Variants in CC2D1A observed in about 807,000 individuals in gnomAD.
CC2D1A encodes the protein coiled-coil and C2 domain containing 1A.
CC2D1A carries 68 observed loss-of-function variants against 123.8 expected under a neutral mutation model. The ratio of observed to expected loss-of-function variants is 0.55; its 90% confidence interval spans 0.45 to 0.67. The LOEUF is 0.67. CC2D1A is among the 30% of genes least tolerant of loss of function. CC2D1A has a pLI of 0.00. For missense variants in CC2D1A, 1,185 were observed against 1,290.3 expected, an observed-to-expected ratio of 0.92 and a Z score of 1.25; for synonymous variants, 477 against 528.0, an observed-to-expected ratio of 0.90 and a Z score of 1.32.
intron 24 of CC2D1A, 38 bp from the exon 25 acceptor site, chr19:13,929,341 G>GA: frequency 6.2e-7 from 1 of 1,604,416 alleles, no homozygotes; most frequent in Non-Finnish European, 8.5e-7. Context: ...TGGGCTGGGG[G>GA]AATCTCTGCA....
chr19:13,920,720 C>T (rs763178156), intron 13 of CC2D1A, 30 bp from the exon 14 acceptor site: 1 of 1,612,068 alleles, frequency 6.2e-7, no homozygotes, highest in Admixed American at 1.7e-5. Context: ...GTGGCCTGGG[C>T]AGCACCCATA....
At position 13,919,837 on chromosome 19, in the gene CC2D1A, C is replaced by T. The variant is rs759102158; in HGVS notation, c.1242C>T (p.Gly414=). The T allele has an allele frequency of 1.9e-6, 3 of 1,608,358 alleles. No individual in the cohort carries two copies. The highest frequency in any genetic ancestry group is 2.5e-6 in the Non-Finnish European group (3 of 1,176,710). The part of the protein sequence containing the change: ...PVPPGFPPIQ[G]LEATKPTQQS... ...ACCCAGGCTTCCCCCCAATCCAGGG[C>T]CTGGAGGCCACCAAGCCCACCCAGC... The change falls in exon 12 of 29, where the codon GGC becomes GGT. Residue 414 remains glycine (G), a synonymous_variant. Coordinates refer to ENST00000318003, the MANE Select transcript of CC2D1A (RefSeq NM_017721.5).
In CC2D1A at chr19:13,927,044, C is replaced by T; in HGVS notation, c.2192C>T (p.Thr731Ile). ...SHRGFRRAIQ[T>I]KGIKFEVVHK... ...CGTGGCTTCCGAAGGGCCATCCAGA[C>T]CAAGGGCATCAAGTTCGAAGTGGTT... The change falls in exon 21 of 29, where the codon ACC becomes ATC. Residue 731 changes from threonine to isoleucine, a missense_variant. Thr to Ile is a moderately conservative substitution (Grantham distance 89). Transcript: ENST00000318003. 5 of 1,614,102 alleles carry T rather than the reference C, an allele frequency of 3.1e-6. No homozygotes were observed. Among genetic ancestry groups the T allele is most frequent in the Non-Finnish European group, 4.2e-6 (5 of 1,180,020 alleles).
At chr19:13,927,799 A>ACC in intron 22 of CC2D1A, 94 bp from the exon 23 acceptor site, 2 of 1,367,718 alleles carry the variant, frequency 1.5e-6, no homozygotes, top group Non-Finnish European at 2.0e-6. Flanking sequence ...AAAAAAACCA[A>ACC]AAAAAAAAAC....
rs1163818031 is a variant in CC2D1A, at chr19:13,923,471, C to T, written c.1764+16C>T. 6.2e-7 allele frequency: 1 copy of T among 1,614,124 alleles called. No homozygotes were observed. The highest frequency in any genetic ancestry group is 1.7e-5 in the Admixed American group (1 of 60,002). On this transcript the variant is annotated intron_variant, in intron 15 of 28. Coordinates refer to ENST00000318003, the MANE Select transcript of CC2D1A (RefSeq NM_017721.5). This position sits in a 1 kb window ranked among gnomAD's most constrained non-coding sequence, Gnocchi z 5.3. ...GCAGCACGAGGTGAGGGGGAGGCCC[C>T]CAGCCCATCCCCCAGGAGCGTGACC...
intron 17 of CC2D1A, among the ~76,000 whole-genome samples, chr19:13,924,246 C>T (rs1389913700): frequency 6.6e-6 from 1 of 152,120 alleles, no homozygotes; most frequent in Non-Finnish European, 1.5e-5. Context: ...TCTCTGCTCA[C>T]TGCAAGCTCC....
At chr19:13,929,256 C>G in intron 24 of CC2D1A, 123 bp from the exon 25 acceptor site, 1 of 978,938 alleles carries the variant, frequency 1.0e-6, no homozygotes, top group African/African-American at 1.6e-5. Flanking sequence ...CCACTCACCT[C>G]CGCCTCCCAA....
chr19:13,920,548 C>A lies in CC2D1A; in HGVS notation c.1357-9C>A. 6.6e-7 allele frequency: 1 copy of A among 1,514,326 alleles called. No individual in the cohort carries two copies. The highest frequency in any genetic ancestry group is 9.1e-7 in the Non-Finnish European group (1 of 1,094,680). The allele number at this position is 1,514,326 out of a possible 1,614,324, so 93.8% of individuals were successfully genotyped here. A position where few individuals can be genotyped will look rare whatever the true frequency, so the allele number is the denominator to read the frequency against. Reference sequence around the variant, plus strand: ...CGAAATCTCTAACATCCTCTCTCTTCCTCTACAGCAGAACAGCCCTGTGGC... The same window carrying A: ...CGAAATCTCTAACATCCTCTCTCTTACTCTACAGCAGAACAGCCCTGTGGC... On this transcript the variant is annotated splice_polypyrimidine_tract_variant and intron_variant, in intron 12 of 28. Coordinates refer to ENST00000318003, the MANE Select transcript of CC2D1A (RefSeq NM_017721.5).
At chr19:13,929,264 C>T in intron 24 of CC2D1A, 115 bp from the exon 25 acceptor site, 1 of 1,105,400 alleles carries the variant, frequency 9.0e-7, no homozygotes, top group South Asian at 1.3e-5. Flanking sequence ...CTCCGCCTCC[C>T]AAAGTGCAGG....
At position 13,909,880 on chromosome 19, in the gene CC2D1A, A is replaced by C; in HGVS notation, c.118A>C (p.Asn40His). 1 of 1,570,380 alleles carries C rather than the reference A, an allele frequency of 6.4e-7. No homozygotes were observed. The highest frequency in any genetic ancestry group is 8.6e-7 in the Non-Finnish European group (1 of 1,156,428). Residue 40 changes from asparagine (N) to histidine (H), a missense_variant, in exon 2 of 29, where the codon AAC becomes CAC. Coordinates refer to ENST00000318003, the MANE Select transcript of CC2D1A (RefSeq NM_017721.5). ...DGLMIPEDGA[N>H]DEELEAEFLA... ...CCTGATGATCCCTGAGGACGGGGCT[A>C]ACGATGAAGAACTGGAGGCTGAGTT...
chr19:13,911,990 C>T (rs1340605829), intron 2 of CC2D1A, among the ~76,000 whole-genome samples: 3 of 151,958 alleles, frequency 2.0e-5, no homozygotes, highest in Non-Finnish European at 2.9e-5. Flanking sequence ...GCTGGGGTTA[C>T]AGGCGTGAGC....
At chr19:13,929,004 C>T (rs1286716638) in intron 24 of CC2D1A, among the ~76,000 whole-genome samples, 1 of 148,412 alleles carries the variant, frequency 6.7e-6, no homozygotes, top group Non-Finnish European at 1.5e-5. Flanking sequence ...CTACCATGCT[C>T]GGCTTTTTTT....
chr19:13,921,621 G>T (rs375147905), intron 14 of CC2D1A, among the ~76,000 whole-genome samples: 2 of 152,020 alleles, frequency 1.3e-5, no homozygotes, highest in East Asian at 3.9e-4. Flanking sequence ...TTAAGGAAGT[G>T]ACATCACTTT....
chr19:13,926,317 C>T (rs1339916690), intron 17 of CC2D1A, among the ~76,000 whole-genome samples, 200 bp from the exon 18 acceptor site: 4 of 152,036 alleles, frequency 2.6e-5, no homozygotes, highest in Non-Finnish European at 5.9e-5. Flanking sequence ...AGAAAAGACT[C>T]GAAAGTGATC....
chr19:13,918,454 C>A, intron 7 of CC2D1A, 50 bp from the exon 8 acceptor site: 1 of 1,562,090 alleles, frequency 6.4e-7, no homozygotes, highest in Non-Finnish European at 8.7e-7. Flanking sequence ...CCCACAGGGT[C>A]CAAGCCCCCA....
At chr19:13,929,879 G>A (rs1342193505) in intron 26 of CC2D1A, among the ~76,000 whole-genome samples, 199 bp from the exon 27 acceptor site, 1 of 74,582 alleles carries the variant, frequency 1.3e-5, no homozygotes, top group African/African-American at 5.7e-5. Flanking sequence ...GGAGGGGCTC[G>A]GGGATGGGCA....
Position 13,912,593 on chromosome 19 carries a change from GGTACA to G in CC2D1A, c.378+3_378+7del. The G allele has an allele frequency of 6.2e-7, 1 of 1,613,886 alleles. No individual in the cohort carries two copies. The highest frequency in any genetic ancestry group is 1.7e-5 in the Admixed American group (1 of 60,016). On this transcript the variant is annotated splice_donor_variant and splice_donor_5th_base_variant and intron_variant, in intron 4 of 28. Transcript: ENST00000318003. LOFTEE classifies it high-confidence loss of function. ...CAGAGACCCCACCTCCTGTGGCCCA[GGTACA>G]GTTTGGATGACTCCACTCCCTTGAA...
chr19:13,927,750 C>T (rs985030289), intron 22 of CC2D1A, 143 bp from the exon 23 acceptor site: 127 of 883,464 alleles, frequency 1.4e-4, no homozygotes, highest in Middle Eastern at 3.6e-4. Flanking sequence ...CCACTGCACT[C>T]CAGCCTGGAC....
intron 24 of CC2D1A, 81 bp downstream of exon 24, chr19:13,928,269 CA>C: frequency 8.2e-7 from 1 of 1,220,290 alleles, no homozygotes; most frequent in South Asian, 1.3e-5. Context: ...CCACCAGGCA[CA>C]AATTGGACCA....
Sources: gnomAD v4.1 joint callset for allele counts (sites outside exome capture counted in the v4.1 genomes callset) on GRCh38, gnomAD v4.1.1 for gene constraint, Gnocchi (gnomAD v3.1) non-coding constraint, MANE v1.5 for transcripts, NCBI Gene and HGNC (gene_info 2026-07-23, HGNC 2026-07-21) for gene names.